FOSL2: variants seen among roughly 807,000 people sequenced by gnomAD.
The protein encoded by FOSL2 is FOS like 2, AP-1 transcription factor subunit, also known as fos-related antigen 2.
Under a neutral mutation model 27.7 loss-of-function variants are expected in FOSL2, and 3 were observed. The ratio of observed to expected loss-of-function variants is 0.11; its 90% CI spans 0.05 to 0.28. The LOEUF (loss-of-function observed/expected upper bound fraction) is 0.28, where lower values mean the gene tolerates loss of function less well. Ranked by LOEUF, FOSL2 falls within the 10% of genes least tolerant of loss-of-function variation. The pLI, the probability that FOSL2 is intolerant of heterozygous loss-of-function variation, is 1.00. For synonymous variants in FOSL2, 179 were observed against 190.1 expected (o/e 0.94, Z 0.48); for missense variants, 333 against 445.1 (o/e 0.75, Z 2.27).
chr2:28,394,148 C>A (rs1215922627), intron 1 of FOSL2, among the ~76,000 whole-genome samples: 4 of 125,208 alleles, frequency 3.2e-5, no homozygotes, highest in African/African-American at 1.4e-4. Flanking sequence ...CCCCCCCCCC[C>A]CCACCCCTGC....
intron 1 of FOSL2, chr2:28,396,694 A>C (rs1663843812): frequency 6.6e-6 from 1 of 152,070 alleles, no homozygotes; most frequent in Non-Finnish European, 1.5e-5. Flanking sequence ...TTTGTTTCTC[A>C]GATAACTTGT....
At position 28,408,228 on chromosome 2, in the gene FOSL2, C is replaced by G. The variant is rs1412113864; in HGVS notation, c.355-531C>G. Among the ~76,000 whole-genome samples, 1 of 152,222 alleles carries G rather than the reference C, an allele frequency of 6.6e-6. No individual in the cohort carries two copies. Among genetic ancestry groups the G allele is most frequent in the Admixed American group, 6.5e-5 (1 of 15,282 alleles). On this transcript the variant is annotated intron_variant, in intron 2 of 3. Coordinates refer to ENST00000264716, the MANE Select transcript of FOSL2 (RefSeq NM_005253.4). This position sits in a 1 kb window ranked among gnomAD's most constrained non-coding sequence, Gnocchi z 4.1. ...CCTCCCATCAGCAACATAACATTCC[C>G]CCCTGGGTGGTTCTTAACCTGTGTG...
In FOSL2 at chr2:28,404,105, A is replaced by T; in HGVS notation, c.103-2A>T. 1 of 1,613,800 alleles carries T rather than the reference A, an allele frequency of 6.2e-7. No homozygotes were observed. On this transcript the variant is annotated splice_acceptor_variant, in intron 1 of 3. Transcript: ENST00000264716. LOFTEE classifies it high-confidence loss of function. This position sits in a 1 kb window ranked among gnomAD's most constrained non-coding sequence, Gnocchi z 4.7. ...CATTTGTATTTTTTTTCCTCATTTCAGAAATTCCGGGTAGATATGCCTGGC... is the reference window on the plus strand; with the variant it reads ...CATTTGTATTTTTTTTCCTCATTTCTGAAATTCCGGGTAGATATGCCTGGC...
Position 28,393,337 on chromosome 2 carries a change from T to C in FOSL2, c.-384T>C. Reference sequence around the variant, plus strand: ...TGGCAGGCCAGGCTCGCTGGGCTCCTAATCTTTTTTTTAATTTCCAATTTT... The same window carrying C: ...TGGCAGGCCAGGCTCGCTGGGCTCCCAATCTTTTTTTTAATTTCCAATTTT... On this transcript the variant is annotated 5_prime_UTR_variant, in exon 1 of 4. Coordinates refer to ENST00000264716, the MANE Select transcript of FOSL2 (RefSeq NM_005253.4). This position sits in a 1 kb window ranked among gnomAD's most constrained non-coding sequence, Gnocchi z 4.6. The C allele has an allele frequency of 4.3e-6, 1 of 231,918 alleles. No individual in the cohort carries two copies. Among genetic ancestry groups the C allele is most frequent in the Non-Finnish European group, 8.3e-6 (1 of 120,128 alleles). 14.4% of individuals were successfully genotyped at this position (231,918 alleles called of 1,614,324 possible). A position where few individuals can be genotyped will look rare whatever the true frequency, so the allele number is the denominator to read the frequency against.
At position 28,404,082 on chromosome 2, in the gene FOSL2, T is replaced by C. The variant is rs753300647; in HGVS notation, c.103-25T>C. 8.1e-6 allele frequency: 13 copies of C among 1,613,366 alleles called. No individual in the cohort carries two copies. The Admixed American group carries it at 2.2e-4, about 27-fold the overall frequency. On this transcript the variant is annotated intron_variant, in intron 1 of 3. Coordinates refer to ENST00000264716, the MANE Select transcript of FOSL2 (RefSeq NM_005253.4). This position sits in a 1 kb window ranked among gnomAD's most constrained non-coding sequence, Gnocchi z 4.7. ...GTTCAGCTTAGTATTTATTGGCTCATTTGTATTTTTTTTCCTCATTTCAGA... is the reference window on the plus strand; with the variant it reads ...GTTCAGCTTAGTATTTATTGGCTCACTTGTATTTTTTTTCCTCATTTCAGA...
chr2:28,415,341 G>C lies in FOSL2; in HGVS notation c.*2893G>C, dbSNP rs562639796. On this transcript the variant is annotated 3_prime_UTR_variant, in exon 4 of 4. Coordinates refer to ENST00000264716, the MANE Select transcript of FOSL2 (RefSeq NM_005253.4). The stretch of plus-strand genomic sequence containing the variant: ...TGGCACAGGAAGGAGAGGCGATCCC[G>C]GCTGAGGCTTAGGAAATTGCTGGAG... 6.6e-6 allele frequency: 1 copy of C among 152,198 alleles called. No individual in the cohort carries two copies. Among genetic ancestry groups the C allele is most frequent in the African/African-American group, 2.4e-5 (1 of 41,442 alleles). 9.4% of individuals were successfully genotyped at this position (152,198 alleles called of 1,614,324 possible).
chr2:28,398,456 C>T (rs1663904533), intron 1 of FOSL2, among the ~76,000 whole-genome samples: 8 of 152,232 alleles, frequency 5.3e-5, no homozygotes, highest in Admixed American at 4.6e-4. Flanking sequence ...AGTACAGAGC[C>T]GCCAGGGAGC....
intron 1 of FOSL2, among the ~76,000 whole-genome samples, chr2:28,398,185 C>G (rs1254534931): frequency 6.6e-6 from 1 of 152,306 alleles, no homozygotes; most frequent in South Asian, 2.1e-4. Context: ...GTGGATATGT[C>G]TCATCTATGT....
intron 1 of FOSL2, among the ~76,000 whole-genome samples, chr2:28,394,994 G>A (rs1377475404): frequency 6.3e-5 from 9 of 142,270 alleles, no homozygotes; most frequent in Non-Finnish European, 1.3e-4. Context: ...TTTTGGATCT[G>A]ATGGGGGGGT....
Position 28,412,102 on chromosome 2 carries a change from G to A in FOSL2, c.635G>A (p.Gly212Glu), listed in dbSNP as rs371015391. 24 of 1,606,366 alleles carry A rather than the reference G, an allele frequency of 1.5e-5. No individual in the cohort carries two copies. The highest frequency in any genetic ancestry group is 2.0e-5 in the Non-Finnish European group (24 of 1,179,782). Residue 212 changes from glycine (G) to glutamate (E), a missense_variant, in exon 4 of 4, where the codon GGG becomes GAG. Transcript: ENST00000264716. This position sits in a 1 kb window ranked among gnomAD's most constrained non-coding sequence, Gnocchi z 7.1. ...PAPGLQPMRS[G>E]GGSVGAVVVK... ...CCTGGGCTGCAGCCCATGCGCAGTGGGGGTGGCTCGGTGGGCGCTGTAGTG... is the reference window on the plus strand; with the variant it reads ...CCTGGGCTGCAGCCCATGCGCAGTGAGGGTGGCTCGGTGGGCGCTGTAGTG...
intron 1 of FOSL2, chr2:28,396,939 A>C (rs957683187): frequency 6.6e-6 from 1 of 152,110 alleles, no homozygotes; most frequent in African/African-American, 2.4e-5. Context: ...AGCTAGCCTC[A>C]ATCATACCTC....
chr2:28,396,283 C>T (rs2148076841), intron 1 of FOSL2, among the ~76,000 whole-genome samples: 1 of 147,826 alleles, frequency 6.8e-6, no homozygotes, highest in South Asian at 2.1e-4. Flanking sequence ...GCTCCAGTGA[C>T]TTTGGGGGTG....
chr2:28,413,387 C>T lies in FOSL2; in HGVS notation c.*939C>T, dbSNP rs1315705458. The T allele has an allele frequency of 4.5e-5, 18 of 397,732 alleles. No homozygotes were observed. Among genetic ancestry groups the T allele is most frequent in the Non-Finnish European group, 7.1e-5 (16 of 226,042 alleles). The allele number at this position is 397,732 out of a possible 1,614,324, so 24.6% of individuals were successfully genotyped here. On this transcript the variant is annotated 3_prime_UTR_variant, in exon 4 of 4. Coordinates refer to ENST00000264716, the MANE Select transcript of FOSL2 (RefSeq NM_005253.4). Reference sequence around the variant, plus strand: ...GACCCTTCTCTCCGGACCAGGGAGGCGTCCCTCCCTAGGAGCCACACATTA... The same window carrying T: ...GACCCTTCTCTCCGGACCAGGGAGGTGTCCCTCCCTAGGAGCCACACATTA...
Position 28,408,316 on chromosome 2 carries a change from G to A in FOSL2, c.355-443G>A, listed in dbSNP as rs1053906849. On this transcript the variant is annotated intron_variant, in intron 2 of 3. Coordinates refer to ENST00000264716, the MANE Select transcript of FOSL2 (RefSeq NM_005253.4). This position sits in a 1 kb window ranked among gnomAD's most constrained non-coding sequence, Gnocchi z 4.1. ...ATGAGGCTTGCAGAGCAGGCAGAGT[G>A]ATGGGAGGAGAAATTAGCCAGGGTT... Among the ~76,000 whole-genome samples, 3 of 152,224 alleles carry A rather than the reference G, an allele frequency of 2.0e-5. No individual in the cohort carries two copies. The highest frequency in any genetic ancestry group is 7.2e-5 in the African/African-American group (3 of 41,454).
At chr2:28,400,446 C>T (rs193164402) in intron 1 of FOSL2, among the ~76,000 whole-genome samples, 2 of 92,554 alleles carry the variant, frequency 2.2e-5, no homozygotes, top group South Asian at 4.3e-4. Context: ...CTGAATAACA[C>T]GTTTCTGAAT....
intron 1 of FOSL2, chr2:28,396,838 A>ACACACACACACACAC (rs1663854590): frequency 8.0e-5 from 12 of 150,480 alleles, no homozygotes; most frequent in East Asian, 3.9e-4. Context: ...ACACACACAC[A>ACACACACACACACAC]AAATTCCCCA....
chr2:28,406,356 C>T lies in FOSL2; in HGVS notation c.354+1998C>T, dbSNP rs572460562. Among the ~76,000 whole-genome samples the T allele has an allele frequency of 3.9e-5, 6 of 152,238 alleles. No homozygotes were observed. The East Asian group carries it at 1.2e-3, about 29-fold the overall frequency. ...GGATTACAGGCGTGAGCCACCGCGC[C>T]CGGCCACGCTCTCCATTCTCTTCTG... On this transcript the variant is annotated intron_variant, in intron 2 of 3. Transcript: ENST00000264716.
In FOSL2 at chr2:28,393,049, G is replaced by A; in HGVS notation, c.-672G>A. On this transcript the variant is annotated 5_prime_UTR_variant, in exon 1 of 4. Transcript: ENST00000264716. The surrounding 1 kb of genome is among the most constrained non-coding windows in gnomAD (Gnocchi z 4.6). ...GCGGGTCTGGGCGCCGGAGCGGGGA[G>A]CGGGGCCGCGTCCCTCTCAGCGCCA... 3.9e-6 allele frequency: 2 copies of A among 518,048 alleles called. No homozygotes were observed. The highest frequency in any genetic ancestry group is 6.9e-6 in the Non-Finnish European group (2 of 288,818). The allele number at this position is 518,048 out of a possible 1,614,324, so 32.1% of individuals were successfully genotyped here.
chr2:28,393,408 C>CGGGAGGGCGCGCGCAGGGGA lies in FOSL2; in HGVS notation c.-308_-289dup, dbSNP rs1407406027. The CGGGAGGGCGCGCGCAGGGGA allele has an allele frequency of 6.8e-4, 227 of 332,442 alleles. No individual in the cohort carries two copies. Among genetic ancestry groups the CGGGAGGGCGCGCGCAGGGGA allele is most frequent in the Non-Finnish European group, 5.9e-4 (108 of 181,612 alleles). 20.6% of individuals were successfully genotyped at this position (332,442 alleles called of 1,614,324 possible). A position where few individuals can be genotyped will look rare whatever the true frequency, so the allele number is the denominator to read the frequency against. Reference sequence around the variant, plus strand: ...GCTGAGCTCCGGCTGCGCGCGGGGGCGGGAGGGCGCGCGCAGGGGAGGGAC... The same window carrying CGGGAGGGCGCGCGCAGGGGA: ...GCTGAGCTCCGGCTGCGCGCGGGGGCGGGAGGGCGCGCGCAGGGGAGGGAGGGCGCGCGCAGGGGAGGGAC... On this transcript the variant is annotated 5_prime_UTR_variant, in exon 1 of 4. Transcript: ENST00000264716. The surrounding 1 kb of genome is among the most constrained non-coding windows in gnomAD (Gnocchi z 4.6).
Sources: allele counts gnomAD v4.1 joint callset (sites outside exome capture counted in the v4.1 genomes callset), GRCh38; gene constraint gnomAD v4.1.1; non-coding constraint Gnocchi (gnomAD v3.1); transcripts MANE v1.5; gene names NCBI Gene and HGNC (gene_info 2026-07-23, HGNC 2026-07-21).